Variants in DMAP1 observed in about 807,000 individuals in gnomAD.
The protein encoded by DMAP1 is DNA methyltransferase 1 associated protein 1, also known as DNA methyltransferase 1-associated protein 1.
Under a neutral mutation model 52.7 loss-of-function variants are expected in DMAP1, and 26 were observed. That is an observed-to-expected ratio of 0.49 (90% confidence interval 0.36 to 0.68). DMAP1 has a LOEUF of 0.68. DMAP1 is among the 30% of genes least tolerant of loss of function. DMAP1 has a pLI of 0.00. For missense variants in DMAP1, 439 were observed against 625.2 expected, an observed-to-expected ratio of 0.70 and a Z score of 3.18; for synonymous variants, 231 against 246.0, an observed-to-expected ratio of 0.94 and a Z score of 0.57.
Position 44,219,448 on chromosome 1 carries a change from T to C in DMAP1, c.949T>C (p.Ser317Pro). Reference protein sequence around the residue: ...TAGIKFPDFKSAGVTLRSQRM... With the variant: ...TAGIKFPDFKPAGVTLRSQRM... ...AGGCATCAAGTTTCCAGACTTCAAG[T>C]CTGCAGGTGTCACGCTGCGGAGCCA... The change falls in exon 7 of 10, where the codon TCT (serine) becomes CCT (proline). Residue 317 changes from serine to proline, a missense_variant. Ser to Pro is a moderately conservative substitution (Grantham distance 74). This residue lies in a region of DMAP1 where 179 missense variants were observed against 285.9 expected (regional missense o/e 0.63). Coordinates refer to ENST00000372289, the MANE Select transcript of DMAP1 (RefSeq NM_019100.5). 1 of 1,593,614 alleles carries C rather than the reference T, an allele frequency of 6.3e-7. No individual in the cohort carries two copies. Among genetic ancestry groups the C allele is most frequent in the Non-Finnish European group, 8.5e-7 (1 of 1,172,132 alleles).
At chr1:44,219,730 T>C in intron 7 of DMAP1, 76 bp from the exon 8 acceptor site, 1 of 1,547,934 alleles carries the variant, frequency 6.5e-7, no homozygotes, top group Non-Finnish European at 8.9e-7. Flanking sequence ...CCACCATCTT[T>C]CCCTCTGCCT....
rs1291425284 is a variant in DMAP1, at chr1:44,218,205, C to T, written c.394-106C>T. On this transcript the variant is annotated intron_variant, in intron 3 of 9. Coordinates refer to ENST00000372289, the MANE Select transcript of DMAP1 (RefSeq NM_019100.5). This position sits in a 1 kb window ranked among gnomAD's most constrained non-coding sequence, Gnocchi z 5.6. ...CACTCCATGCTGCAGGGGCACAGGC[C>T]CAGGGTCTGGCAACAAACAGGAGCA... The T allele has an allele frequency of 2.7e-6, 4 of 1,491,110 alleles. No homozygotes were observed. The East Asian group carries it at 9.0e-5, about 34-fold the overall frequency. The allele number at this position is 1,491,110 out of a possible 1,614,324, so 92.4% of individuals were successfully genotyped here. A position where few individuals can be genotyped will look rare whatever the true frequency, so the allele number is the denominator to read the frequency against.
At chr1:44,219,651 C>G (rs1397928638) in intron 7 of DMAP1, 155 bp from the exon 8 acceptor site, 1 of 1,172,550 alleles carries the variant, frequency 8.5e-7, no homozygotes, top group Non-Finnish European at 1.2e-6. Context: ...GCAGCTTTCA[C>G]TATATTCAGC....
Position 44,219,897 on chromosome 1 carries a change from C to A in DMAP1, c.1051+19C>A. The A allele has an allele frequency of 6.2e-7, 1 of 1,614,032 alleles. No individual in the cohort carries two copies. Among genetic ancestry groups the A allele is most frequent in the Non-Finnish European group, 8.5e-7 (1 of 1,179,958 alleles). ...GGTGTGGGTGAGTGTGGGGACTGGG[C>A]CCCATAGGGTGTACCCACCCGAGGC... On this transcript the variant is annotated intron_variant, in intron 8 of 9. Coordinates refer to ENST00000372289, the MANE Select transcript of DMAP1 (RefSeq NM_019100.5).
chr1:44,219,949 G>A (rs1643873879), intron 8 of DMAP1, 68 bp from the exon 9 acceptor site: 2 of 1,610,086 alleles, frequency 1.2e-6, no homozygotes, highest in Non-Finnish European at 1.7e-6. Flanking sequence ...GCAGGGGGAG[G>A]GGAGTTCACA....
Position 44,220,290 on chromosome 1 carries a change from C to T in DMAP1, c.1325C>T (p.Ala442Val). The T allele has an allele frequency of 6.4e-7, 1 of 1,551,038 alleles. No homozygotes were observed. The highest frequency in any genetic ancestry group is 1.7e-4 in the Middle Eastern group (1 of 5,756). Residue 442 changes from alanine (A) to valine (V), a missense_variant, in exon 9 of 10, where the codon GCA (alanine) becomes GTA (valine). Physicochemically the swap from Ala to Val is moderately conservative, Grantham distance 64. Transcript: ENST00000372289. The stretch of plus-strand genomic sequence containing the variant: ...GACACCATCATTGATGTGGTGGGCG[C>T]ACCCCTCACGCCCAATTCGGTAAGA... ...PKDTIIDVVGAPLTPNSRKRR... is the reference protein window; with the variant it reads ...PKDTIIDVVGVPLTPNSRKRR...
chr1:44,220,029 C>T lies in DMAP1; in HGVS notation c.1064C>T (p.Thr355Ile), dbSNP rs769937212. The T allele has an allele frequency of 1.9e-6, 3 of 1,599,972 alleles. No homozygotes were observed. The highest frequency in any genetic ancestry group is 4.5e-5 in the East Asian group (2 of 44,592). Residue 355 changes from threonine to isoleucine, a missense_variant, in exon 9 of 10, where the codon ACA becomes ATA. Physicochemically the swap from Thr to Ile is moderately conservative, Grantham distance 89. Transcript: ENST00000372289. ...LLELGVELSP[T>I]PTEELVHMFN... ...CGCCTGCCTGCAGAGCTGAGCCCGA[C>T]ACCTACGGAGGAGCTGGTGCACATG...
At chr1:44,219,703 G>A (rs1572033642) in intron 7 of DMAP1, 103 bp from the exon 8 acceptor site, 1 of 1,407,988 alleles carries the variant, frequency 7.1e-7, no homozygotes, top group Non-Finnish European at 9.9e-7. Context: ...TAACCTCCAT[G>A]TGTTACCGTC....
At position 44,218,846 on chromosome 1, in the gene DMAP1, C is replaced by T; in HGVS notation, c.720+91C>T. The T allele has an allele frequency of 6.7e-7, 1 of 1,503,060 alleles. No homozygotes were observed. Among genetic ancestry groups the T allele is most frequent in the Admixed American group, 2.0e-5 (1 of 49,168 alleles). 93.1% of individuals were successfully genotyped at this position (1,503,060 alleles called of 1,614,324 possible). A position where few individuals can be genotyped will look rare whatever the true frequency, so the allele number is the denominator to read the frequency against. On this transcript the variant is annotated intron_variant, in intron 5 of 9. Coordinates refer to ENST00000372289, the MANE Select transcript of DMAP1 (RefSeq NM_019100.5). This position sits in a 1 kb window ranked among gnomAD's most constrained non-coding sequence, Gnocchi z 5.6. Reference sequence around the variant, plus strand: ...ATCCCCTCAACTCCCACTCCCAGGTCCCCCTGCCTCCCACTGATACCTTAT... The same window carrying T: ...ATCCCCTCAACTCCCACTCCCAGGTTCCCCTGCCTCCCACTGATACCTTAT...
Position 44,218,198 on chromosome 1 carries a change from C to T in DMAP1, c.394-113C>T, listed in dbSNP as rs1247201348. ...CTTTCCTCACTCCATGCTGCAGGGG[C>T]ACAGGCCCAGGGTCTGGCAACAAAC... On this transcript the variant is annotated intron_variant, in intron 3 of 9. Coordinates refer to ENST00000372289, the MANE Select transcript of DMAP1 (RefSeq NM_019100.5). The surrounding 1 kb of genome is among the most constrained non-coding windows in gnomAD (Gnocchi z 5.6). 1.5e-5 allele frequency: 21 copies of T among 1,427,664 alleles called. No individual in the cohort carries two copies. The highest frequency in any genetic ancestry group is 2.0e-5 in the Non-Finnish European group (20 of 1,011,690). The allele number at this position is 1,427,664 out of a possible 1,614,324, so 88.4% of individuals were successfully genotyped here.
chr1:44,219,281 C>A, intron 6 of DMAP1, 40 bp downstream of exon 6: 1 of 1,596,048 alleles, frequency 6.3e-7, no homozygotes, highest in Non-Finnish European at 8.5e-7. Context: ...GTGGAAGGGT[C>A]ACCTGGCACA....
Position 44,220,548 on chromosome 1 carries a change from T to G in DMAP1, c.1345-11T>G. ...GGGTCACTGACCTCAATGCCTTCTGTGTATCCTCAGAGAAAGCGACGGGAG... is the reference window on the plus strand; with the variant it reads ...GGGTCACTGACCTCAATGCCTTCTGGGTATCCTCAGAGAAAGCGACGGGAG... On this transcript the variant is annotated splice_polypyrimidine_tract_variant and intron_variant, in intron 9 of 9. Transcript: ENST00000372289. 3.1e-6 allele frequency: 5 copies of G among 1,614,194 alleles called. No individual in the cohort carries two copies. Among genetic ancestry groups the G allele is most frequent in the Non-Finnish European group, 4.2e-6 (5 of 1,180,022 alleles).
chr1:44,214,719 C>T lies in DMAP1; in HGVS notation c.214C>T (p.Leu72=). ...YSDKKDAPPL[L]PSDTGQGYRT... is the part of the protein sequence containing the mutation. ...CCCTGCCAGGGATGCACCCCCACTG[C>T]TACCCAGTGACACTGGCCAGGGATA... is the stretch of plus-strand genomic sequence containing the variant. Residue 72 remains leucine, a synonymous_variant, in exon 3 of 10, where the codon CTA becomes TTA. Transcript: ENST00000372289. The T allele has an allele frequency of 6.2e-7, 1 of 1,611,648 alleles. No homozygotes were observed. The highest frequency in any genetic ancestry group is 1.1e-5 in the South Asian group (1 of 91,006).
Position 44,219,529 on chromosome 1 carries a change from CTCCATGTGT to C in DMAP1, c.978+53_978+61del. On this transcript the variant is annotated intron_variant, in intron 7 of 9. Coordinates refer to ENST00000372289, the MANE Select transcript of DMAP1 (RefSeq NM_019100.5). ...TTTGGGTCCTGGGCTCTGCTCTGGG[CTCCATGTGT>C]CCCAAACGCTGCAGGCAGGTGGGGA... The C allele has an allele frequency of 1.0e-5, 15 of 1,499,476 alleles. No homozygotes were observed. The South Asian group carries it at 1.7e-4, about 17-fold the overall frequency. The allele number at this position is 1,499,476 out of a possible 1,614,324, so 92.9% of individuals were successfully genotyped here. A position where few individuals can be genotyped will look rare whatever the true frequency, so the allele number is the denominator to read the frequency against.
rs1470991729 is a variant in DMAP1, at chr1:44,218,657, G to T, written c.622G>T (p.Val208Leu). The change falls in exon 5 of 10, where the codon GTG becomes TTG. Residue 208 changes from valine (V) to leucine (L), a missense_variant. Val to Leu is a conservative substitution (Grantham distance 32). Transcript: ENST00000372289. This position sits in a 1 kb window ranked among gnomAD's most constrained non-coding sequence, Gnocchi z 5.6. Reference sequence around the variant, plus strand: ...TGCTAAGCTTGCCAACGTGCGGGCTGTGCCAGGCACAGACCTTAAGATACC... The same window carrying T: ...TGCTAAGCTTGCCAACGTGCGGGCTTTGCCAGGCACAGACCTTAAGATACC... ...ICAKLANVRA[V>L]PGTDLKIPVF... The T allele has an allele frequency of 6.2e-7, 1 of 1,614,040 alleles. No individual in the cohort carries two copies. Among genetic ancestry groups the T allele is most frequent in the Non-Finnish European group, 8.5e-7 (1 of 1,179,926 alleles).
At position 44,218,552 on chromosome 1, in the gene DMAP1, T is replaced by A; in HGVS notation, c.553-36T>A. ...TTATGCCATCTCTTCCACATGCCCCTGAATGTTCATTCCTCTACCCTGTCT... is the reference window on the plus strand; with the variant it reads ...TTATGCCATCTCTTCCACATGCCCCAGAATGTTCATTCCTCTACCCTGTCT... On this transcript the variant is annotated intron_variant, in intron 4 of 9. Transcript: ENST00000372289. The surrounding 1 kb of genome is among the most constrained non-coding windows in gnomAD (Gnocchi z 5.6). 1 of 1,608,102 alleles carries A rather than the reference T, an allele frequency of 6.2e-7. No individual in the cohort carries two copies. Among genetic ancestry groups the A allele is most frequent in the Non-Finnish European group, 8.5e-7 (1 of 1,175,438 alleles).
At position 44,213,975 on chromosome 1, in the gene DMAP1, G is replaced by C; in HGVS notation, c.105+117G>C. 1 of 924,142 alleles carries C rather than the reference G, an allele frequency of 1.1e-6. No homozygotes were observed. The highest frequency in any genetic ancestry group is 2.6e-5 in the East Asian group (1 of 37,902). 57.2% of individuals were successfully genotyped at this position (924,142 alleles called of 1,614,324 possible). ...TACAGTGAGTTGGGCGATAAAAGGG[G>C]TGACATAACAGGACAGGGAATATGT... is the stretch of plus-strand genomic sequence containing the variant. On this transcript the variant is annotated intron_variant, in intron 1 of 9. Coordinates refer to ENST00000372289, the MANE Select transcript of DMAP1 (RefSeq NM_019100.5). This position sits in a 1 kb window ranked among gnomAD's most constrained non-coding sequence, Gnocchi z 4.5.
chr1:44,214,229 G>GTTTGTTACAGTTC, intron 1 of DMAP1, 121 bp from the exon 2 acceptor site: 1 of 928,692 alleles, frequency 1.1e-6, no homozygotes, highest in South Asian at 1.5e-5. Context: ...TGCCTTTACA[G>GTTTGTTACAGTTC]TGTGTCAGTT....
chr1:44,218,565 C>T lies in DMAP1; in HGVS notation c.553-23C>T. ...TCCACATGCCCCTGAATGTTCATTCCTCTACCCTGTCTTGCTCCTCAGAAG... is the reference window on the plus strand; with the variant it reads ...TCCACATGCCCCTGAATGTTCATTCTTCTACCCTGTCTTGCTCCTCAGAAG... On this transcript the variant is annotated intron_variant, in intron 4 of 9. Coordinates refer to ENST00000372289, the MANE Select transcript of DMAP1 (RefSeq NM_019100.5). This position sits in a 1 kb window ranked among gnomAD's most constrained non-coding sequence, Gnocchi z 5.6. 6.2e-7 allele frequency: 1 copy of T among 1,608,474 alleles called. No homozygotes were observed. Among genetic ancestry groups the T allele is most frequent in the Non-Finnish European group, 8.5e-7 (1 of 1,175,690 alleles).
Sources: gnomAD v4.1 joint callset for allele counts on GRCh38, gnomAD v4.1.1 for gene constraint, gnomAD v4.1.1 regional missense constraint, Gnocchi (gnomAD v3.1) non-coding constraint, MANE v1.5 for transcripts, NCBI Gene and HGNC (gene_info 2026-07-23, HGNC 2026-07-21) for gene names.